The following DCLK2 variants were observed in gnomAD, a reference collection of about 807,000 sequenced individuals.
DCLK2 encodes doublecortin like kinase 2.
In DCLK2, 31 loss-of-function variants were observed where a neutral mutation model predicts 78.4. The observed-to-expected ratio is 0.40, with a 90% confidence interval of 0.30 to 0.53. DCLK2 has a LOEUF of 0.53. Among genes scored for constraint, DCLK2 ranks in the 20% least tolerant of loss-of-function variants. The probability of loss-of-function intolerance (pLI) is 0.61; values close to 1 mark genes in which losing one functional copy is unlikely to be tolerated. For synonymous variants in DCLK2, 407 were observed against 374.9 expected (o/e 1.09, Z -0.99); for missense variants, 872 against 973.7 (o/e 0.90, Z 1.39).
intron 2 of DCLK2, among the ~76,000 whole-genome samples, chr4:150,138,554 A>G (rs1733857455): frequency 6.6e-6 from 1 of 152,198 alleles, no homozygotes; most frequent in Non-Finnish European, 1.5e-5. Flanking sequence ...CAAAAAAAAT[A>G]TTTTTTGACC....
rs751856360 is a variant in DCLK2, at chr4:150,193,214, A to G, written c.833A>G (p.Gln278Arg). The G allele has an allele frequency of 2.5e-6, 4 of 1,611,504 alleles. No homozygotes were observed. Among genetic ancestry groups the G allele is most frequent in the East Asian group, 4.5e-5 (2 of 44,806 alleles). ...GGACCAGAAAAATTTCGTTATGCCC[A>G]AGATGACTTTGTCCTGGATCATAGT... ...ACGPEKFRYA[Q>R]DDFVLDHSEC... The change falls in exon 3 of 16, where the codon CAA (glutamine) becomes CGA (arginine). Residue 278 changes from glutamine to arginine, a missense_variant. Physicochemically the swap from Gln to Arg is conservative, Grantham distance 43. This residue lies in a region of DCLK2 where 567 missense variants were observed against 593.4 expected (regional missense o/e 0.96). Coordinates refer to ENST00000296550, the MANE Select transcript of DCLK2 (RefSeq NM_001040260.4).
At chr4:150,118,601 G>A (rs1327293813) in intron 2 of DCLK2, among the ~76,000 whole-genome samples, 2 of 151,016 alleles carry the variant, frequency 1.3e-5, no homozygotes, top group Non-Finnish European at 3.0e-5. Context: ...AAGTACATTT[G>A]CATTAGAAAA....
At chr4:150,121,306 C>A (rs756979008) in intron 2 of DCLK2, among the ~76,000 whole-genome samples, 4 of 133,148 alleles carry the variant, frequency 3.0e-5, no homozygotes, top group Non-Finnish European at 4.9e-5. Context: ...CCTGCTGCTG[C>A]TTTATCAACT....
At chr4:150,215,185 T>C (rs1740598515) in intron 5 of DCLK2, among the ~76,000 whole-genome samples, 1 of 152,110 alleles carries the variant, frequency 6.6e-6, no homozygotes, top group Non-Finnish European at 1.5e-5. Context: ...AAAAAAACAA[T>C]AAGCACAGAA....
intron 2 of DCLK2, among the ~76,000 whole-genome samples, chr4:150,147,531 A>G (rs1032124075): frequency 3.9e-4 from 60 of 152,366 alleles, no homozygotes; most frequent in African/African-American, 1.4e-3. Flanking sequence ...TAAGTTGTAC[A>G]GATATTTTGT....
chr4:150,202,490 G>A (rs568848427), intron 4 of DCLK2, among the ~76,000 whole-genome samples: 2 of 152,230 alleles, frequency 1.3e-5, no homozygotes, highest in South Asian at 2.1e-4. Context: ...CTTCATAAAC[G>A]CAGATATTCC....
At position 150,118,023 on chromosome 4, in the gene DCLK2, T is replaced by G. The variant is rs544251542; in HGVS notation, c.756+15211T>G. On this transcript the variant is annotated intron_variant, in intron 2 of 15. Coordinates refer to ENST00000296550, the MANE Select transcript of DCLK2 (RefSeq NM_001040260.4). ...CAGTGGGGAAATTGAGGCCAAAAAA[T>G]TCAAGTACCTATTCAGAATTACACA... 1.4e-3 allele frequency among the ~76,000 whole-genome samples: 217 copies of G among 152,242 alleles called. 2 individuals carry two copies. Among genetic ancestry groups the G allele is most frequent in the African/African-American group, 4.9e-3 (202 of 41,534 alleles).
At chr4:150,123,296 T>C (rs919294667) in intron 2 of DCLK2, among the ~76,000 whole-genome samples, 1 of 152,148 alleles carries the variant, frequency 6.6e-6, no homozygotes, top group Non-Finnish European at 1.5e-5. Flanking sequence ...TTAGAGGCCA[T>C]TGTAGTGTTA....
At chr4:150,240,636 T>A (rs1010256079) in intron 12 of DCLK2, among the ~76,000 whole-genome samples, 160 bp downstream of exon 12, 2 of 150,694 alleles carry the variant, frequency 1.3e-5, no homozygotes, top group African/African-American at 4.9e-5. Context: ...CATTGGAAGA[T>A]ATACCTAATG....
chr4:150,246,471 CT>C (rs1743319895), intron 12 of DCLK2, among the ~76,000 whole-genome samples: 1 of 152,184 alleles, frequency 6.6e-6, no homozygotes, highest in Non-Finnish European at 1.5e-5. Context: ...CCTTGTTCCC[CT>C]TTGAGAGGGT....
At chr4:150,217,034 G>C (rs891892900) in intron 5 of DCLK2, among the ~76,000 whole-genome samples, 15 of 152,144 alleles carry the variant, frequency 9.9e-5, no homozygotes, top group Non-Finnish European at 1.6e-4. Context: ...ATGGAAGCAG[G>C]AATGCTCATT....
chr4:150,143,296 A>C (rs901986631), intron 2 of DCLK2, among the ~76,000 whole-genome samples: 1 of 152,152 alleles, frequency 6.6e-6, no homozygotes, highest in Non-Finnish European at 1.5e-5. Flanking sequence ...TCAACTGTTG[A>C]TGGCACTTAG....
intron 2 of DCLK2, among the ~76,000 whole-genome samples, chr4:150,113,272 T>G (rs1299541889): frequency 1.3e-5 from 2 of 152,182 alleles, no homozygotes; most frequent in Non-Finnish European, 2.9e-5. Context: ...TGAGTTAGGG[T>G]GGATTCCCTC....
At chr4:150,148,057 G>A (rs1734608849) in intron 2 of DCLK2, among the ~76,000 whole-genome samples, 1 of 152,084 alleles carries the variant, frequency 6.6e-6, no homozygotes, top group Non-Finnish European at 1.5e-5. Flanking sequence ...TTCCTGAAGG[G>A]ATCATTAAAA....
At chr4:150,095,094 C>T (rs2150144030) in intron 1 of DCLK2, among the ~76,000 whole-genome samples, 1 of 152,266 alleles carries the variant, frequency 6.6e-6, no homozygotes, top group Admixed American at 6.5e-5. Context: ...TGAGGAGTGA[C>T]ATAATTTTTA....
intron 2 of DCLK2, among the ~76,000 whole-genome samples, chr4:150,183,875 G>A (rs755431367): frequency 1.8e-4 from 28 of 151,900 alleles, no homozygotes; most frequent in Non-Finnish European, 3.7e-4. Context: ...TGGGACCACA[G>A]GCATGAGCCA....
chr4:150,132,714 A>G (rs752917578), intron 2 of DCLK2, among the ~76,000 whole-genome samples: 12 of 152,190 alleles, frequency 7.9e-5, no homozygotes, highest in Non-Finnish European at 1.5e-4. Flanking sequence ...TCTCCCAAGT[A>G]GCTGGGAAGC....
At position 150,230,163 on chromosome 4, in the gene DCLK2, G is replaced by A. The variant is rs76188656; in HGVS notation, c.1300-2174G>A. On this transcript the variant is annotated intron_variant, in intron 8 of 15. Transcript: ENST00000296550. Reference sequence around the variant, plus strand: ...GCCATTGTCAAGTAGAATTCAGTAGGCTAATAAGTGGTGGAGGAAATGTTG... The same window carrying A: ...GCCATTGTCAAGTAGAATTCAGTAGACTAATAAGTGGTGGAGGAAATGTTG... 1.7e-3 allele frequency among the ~76,000 whole-genome samples: 255 copies of A among 152,286 alleles called. 1 individual carries two copies. Among genetic ancestry groups the A allele is most frequent in the Admixed American group, 3.9e-3 (59 of 15,296 alleles).
rs35494411 is a variant in DCLK2 at position 150,097,172 on chromosome 4, C to CTTT, written c.422-5291_422-5289dup. On this transcript the variant is annotated intron_variant, in intron 1 of 15. Transcript: ENST00000296550. The stretch of plus-strand genomic sequence containing the variant: ...GAGTGAGAAATTGGAAATTTCTAGC[C>CTTT]TTTTTTTTTTTTTTTTTGAGACAGA... Among the ~76,000 whole-genome samples the CTTT allele has an allele frequency of 3.7e-5, 5 of 133,978 alleles. No homozygotes were observed. The South Asian group carries it at 7.2e-4, about 19-fold the overall frequency. 87.9% of individuals were successfully genotyped at this position (133,978 alleles called of 152,430 possible). A position where few individuals can be genotyped will look rare whatever the true frequency, so the allele number is the denominator to read the frequency against.
Sources: gnomAD v4.1 joint callset for allele counts (sites outside exome capture counted in the v4.1 genomes callset) on GRCh38, gnomAD v4.1.1 for gene constraint, gnomAD v4.1.1 regional missense constraint, MANE v1.5 for transcripts, NCBI Gene and HGNC (gene_info 2026-07-23, HGNC 2026-07-21) for gene names.